The following CEMIP2 variants were observed in gnomAD, a reference collection of about 807,000 sequenced individuals.
The protein encoded by CEMIP2 is cell migration inducing hyaluronidase 2, also known as cell surface hyaluronidase CEMIP2.
CEMIP2 carries 79 observed loss-of-function variants against 146.9 expected under a neutral mutation model. The observed-to-expected ratio is 0.54, with a 90% CI of 0.45 to 0.65. The LOEUF (loss-of-function observed/expected upper bound fraction) is 0.65, where lower values mean the gene tolerates loss of function less well. Ranked by LOEUF, CEMIP2 falls within the 30% of genes least tolerant of loss-of-function variation. The probability of loss-of-function intolerance (pLI) is 0.00; values close to 1 mark genes in which losing one functional copy is unlikely to be tolerated. For missense variants in CEMIP2, 1,596 were observed against 1,696.2 expected, an observed-to-expected ratio of 0.94 and a Z score of 1.04; for synonymous variants, 601 against 606.3, an observed-to-expected ratio of 0.99 and a Z score of 0.13.
chr9:71,745,643 A>AT (rs1018794349), intron 3 of CEMIP2, 64 bp from the exon 4 acceptor site: 12 of 1,462,518 alleles, frequency 8.2e-6, no homozygotes, highest in African/African-American at 1.4e-5. Flanking sequence ...AAGGAAATAG[A>AT]TTTCACCTTA....
chr9:71,723,674 C>T (rs1274221607), intron 11 of CEMIP2, among the ~76,000 whole-genome samples: 1 of 152,088 alleles, frequency 6.6e-6, no homozygotes, highest in Non-Finnish European at 1.5e-5. Flanking sequence ...GTCCATAAGA[C>T]ATTCAAAGGG....
chr9:71,704,356 A>G (rs1475832826), intron 18 of CEMIP2: 1 of 536,670 alleles, frequency 1.9e-6, no homozygotes, highest in East Asian at 3.3e-5. Context: ...CTATCGTTGA[A>G]TGGCTTTATG....
At chr9:71,752,781 C>G (rs1470492645) in intron 1 of CEMIP2, among the ~76,000 whole-genome samples, 1 of 152,054 alleles carries the variant, frequency 6.6e-6, no homozygotes, top group East Asian at 1.9e-4. Flanking sequence ...AGAGAAGCCA[C>G]AAACAAGCAA....
intron 18 of CEMIP2, among the ~76,000 whole-genome samples, chr9:71,701,588 T>C (rs530647950): frequency 1.3e-5 from 2 of 152,184 alleles, no homozygotes; most frequent in African/African-American, 4.8e-5. Context: ...ATAATTTTTT[T>C]GTTTATAATT....
At chr9:71,723,788 T>C (rs545841117) in intron 11 of CEMIP2, among the ~76,000 whole-genome samples, 3 of 152,094 alleles carry the variant, frequency 2.0e-5, no homozygotes, top group Non-Finnish European at 4.4e-5. Context: ...TGCGCACACA[T>C]GTGGGTGTGT....
chr9:71,689,927 T>C (rs1467444437), intron 22 of CEMIP2, among the ~76,000 whole-genome samples, 165 bp downstream of exon 22: 1 of 152,184 alleles, frequency 6.6e-6, no homozygotes, highest in Non-Finnish European at 1.5e-5. Context: ...GATAAGCAGC[T>C]TAGACGACAT....
At chr9:71,700,598 A>G in intron 19 of CEMIP2, 44 bp downstream of exon 19, 1 of 1,531,648 alleles carries the variant, frequency 6.5e-7, no homozygotes, top group Non-Finnish European at 8.8e-7. Flanking sequence ...TCACCATTAA[A>G]GAAAAATAGG....
At chr9:71,764,976 G>GC (rs1314436447) in intron 1 of CEMIP2, among the ~76,000 whole-genome samples, 1 of 151,626 alleles carries the variant, frequency 6.6e-6, no homozygotes, top group Non-Finnish European at 1.5e-5. Context: ...AAACAGAAGG[G>GC]CTAGCTTGGC....
In CEMIP2 at chr9:71,728,281, G is replaced by GTGTA. The variant is rs1257254971; in HGVS notation, c.2049+1563_2049+1564insTACA. Among the ~76,000 whole-genome samples, 30 of 9,250 alleles carry GTGTA rather than the reference G, an allele frequency of 3.2e-3. 3 individuals are homozygous for GTGTA. Among genetic ancestry groups the GTGTA allele is most frequent in the African/African-American group, 5.2e-3 (11 of 2,100 alleles). 6.1% of individuals were successfully genotyped at this position (9,250 alleles called of 152,430 possible). A position where few individuals can be genotyped will look rare whatever the true frequency, so the allele number is the denominator to read the frequency against. ...TACACGTATATATATATATATATAT[G>GTGTA]TATATATATATATATATATACATAT... On this transcript the variant is annotated intron_variant, in intron 10 of 23. Transcript: ENST00000377044.
At chr9:71,728,250 T>TACACGTATATATATATATATATATATAC (rs1564012216) in intron 10 of CEMIP2, among the ~76,000 whole-genome samples, 1 of 23,444 alleles carries the variant, frequency 4.3e-5, no homozygotes, top group African/African-American at 9.3e-5. Context: ...TATATATATA[T>TACACGTATATATATATATATATATATAC]GTATATACAC....
At chr9:71,739,361 C>CAAAA (rs71353516) in intron 5 of CEMIP2, among the ~76,000 whole-genome samples, 20 of 42,834 alleles carry the variant, frequency 4.7e-4, no homozygotes, top group African/African-American at 9.9e-4. Flanking sequence ...GACTCTGTCT[C>CAAAA]AAAAAAAAAA....
intron 22 of CEMIP2, chr9:71,687,478 G>A: frequency 6.6e-6 from 1 of 151,998 alleles, no homozygotes. Context: ...GTGTGTGTGT[G>A]TGTGTGTGTG....
At chr9:71,700,251 T>C (rs1223824159) in intron 19 of CEMIP2, among the ~76,000 whole-genome samples, 1 of 152,158 alleles carries the variant, frequency 6.6e-6, no homozygotes, top group Non-Finnish European at 1.5e-5. Flanking sequence ...AAACTCAAGG[T>C]CAACTTGTAA....
At chr9:71,728,305 A>ATATATATG (rs1564012767) in intron 10 of CEMIP2, among the ~76,000 whole-genome samples, 1 of 65,660 alleles carries the variant, frequency 1.5e-5, no homozygotes, top group Non-Finnish European at 3.0e-5. Flanking sequence ...ATATATACAT[A>ATATATATG]TATATATATA....
chr9:71,739,208 C>T (rs1028899857), intron 5 of CEMIP2, among the ~76,000 whole-genome samples: 1 of 149,128 alleles, frequency 6.7e-6, no homozygotes, highest in Non-Finnish European at 1.5e-5. Context: ...ACAAAGGAAA[C>T]GTTGACTAGA....
intron 6 of CEMIP2, 58 bp from the exon 7 acceptor site, chr9:71,732,578 A>C (rs1823650789): frequency 6.9e-7 from 1 of 1,450,710 alleles, no homozygotes; most frequent in Non-Finnish European, 9.1e-7. Context: ...CATGAAACTC[A>C]CTTCAAAAAG....
intron 14 of CEMIP2, among the ~76,000 whole-genome samples, chr9:71,715,625 G>GATATACATATATAT (rs1554682972): frequency 1.4e-4 from 17 of 119,068 alleles, no homozygotes; most frequent in South Asian, 3.0e-4. Flanking sequence ...TCCCTCTTAA[G>GATATACATATATAT]ATATATATAT....
At chr9:71,703,445 G>A (rs1463962747) in intron 18 of CEMIP2, among the ~76,000 whole-genome samples, 1 of 152,176 alleles carries the variant, frequency 6.6e-6, no homozygotes, top group Non-Finnish European at 1.5e-5. Context: ...CTGCCACGAT[G>A]TTCATCATCC....
chr9:71,732,416 C>G lies in CEMIP2; in HGVS notation c.1498G>C (p.Asp500His), dbSNP rs1419019756. Residue 500 changes from aspartate (D) to histidine (H), a missense_variant, in exon 7 of 24, where the codon GAC (aspartate) becomes CAC (histidine). Asp to His is a moderately conservative substitution (Grantham distance 81). Coordinates refer to ENST00000377044, the MANE Select transcript of CEMIP2 (RefSeq NM_013390.3). ...CACTGATTTTCTGCGTAGCATGAGT[C>G]CTCCACTTCTCCTTGGATCACAATA... is the stretch of plus-strand genomic sequence containing the variant. ...RNIVIQGEVE[D>H]SCYAENQCQF... The G allele has an allele frequency of 6.2e-6, 10 of 1,613,910 alleles. No homozygotes were observed. Among genetic ancestry groups the G allele is most frequent in the Non-Finnish European group, 8.5e-6 (10 of 1,180,002 alleles).
Sources: gnomAD v4.1 joint callset for allele counts (sites outside exome capture counted in the v4.1 genomes callset) on GRCh38, gnomAD v4.1.1 for gene constraint, MANE v1.5 for transcripts, NCBI Gene and HGNC (gene_info 2026-07-23, HGNC 2026-07-21) for gene names.